Variants in PRICKLE2 observed in about 807,000 individuals in gnomAD.
The protein encoded by PRICKLE2 is prickle planar cell polarity protein 2, also known as prickle-like protein 2.
Under a neutral mutation model 81.4 loss-of-function variants are expected in PRICKLE2, and 21 were observed. That is an observed-to-expected ratio of 0.26 (90% CI 0.18 to 0.37). PRICKLE2 has a LOEUF of 0.37. Among genes scored for constraint, PRICKLE2 ranks in the 10% least tolerant of loss-of-function variants. The pLI is 1.00. For missense variants in PRICKLE2, 940 were observed against 1,109.0 expected, an observed-to-expected ratio of 0.85 and a Z score of 2.16; for synonymous variants, 456 against 421.5, an observed-to-expected ratio of 1.08 and a Z score of -1.00.
rs1049111863 is a variant in PRICKLE2, at chr3:64,097,053, T to C, written c.*1998A>G. ...TGCCAAGCAGTTTACAAACTTACTA[T>C]ACAAACGTAATAGAGTTAATTCTCC... is the stretch of plus-strand genomic sequence containing the variant. On this transcript the variant is annotated 3_prime_UTR_variant, in exon 8 of 8. Coordinates refer to ENST00000638394, the MANE Select transcript of PRICKLE2 (RefSeq NM_198859.4). 1.3e-5 allele frequency: 2 copies of C among 152,710 alleles called. No homozygotes were observed. Among genetic ancestry groups the C allele is most frequent in the East Asian group, 1.9e-4 (1 of 5,180 alleles). The allele number at this position is 152,710 out of a possible 1,614,324, so 9.5% of individuals were successfully genotyped here.
At chr3:64,259,714 T>A (rs934707200) in intron 2 of PRICKLE2, among the ~76,000 whole-genome samples, 1 of 152,074 alleles carries the variant, frequency 6.6e-6, no homozygotes, top group African/African-American at 2.4e-5. Context: ...AGAGGGAAAT[T>A]TGACACATGC....
chr3:64,259,682 C>T (rs1051023179), intron 2 of PRICKLE2, among the ~76,000 whole-genome samples: 4 of 152,224 alleles, frequency 2.6e-5, no homozygotes, highest in African/African-American at 9.6e-5. Context: ...CTAGATGTCA[C>T]CTCAAGTATC....
chr3:64,149,308 C>G (rs534188562), intron 6 of PRICKLE2, among the ~76,000 whole-genome samples: 1 of 152,224 alleles, frequency 6.6e-6, no homozygotes, highest in African/African-American at 2.4e-5. Context: ...AAAATCTGCT[C>G]TCCTGGCACC....
chr3:64,139,256 TC>T (rs776019937), intron 7 of PRICKLE2, among the ~76,000 whole-genome samples: 2 of 152,232 alleles, frequency 1.3e-5, no homozygotes, highest in Non-Finnish European at 2.9e-5. Context: ...AGATTCCTGC[TC>T]CGTGTCTCCA....
intron 2 of PRICKLE2, among the ~76,000 whole-genome samples, chr3:64,260,264 G>A (rs2107188993): frequency 2.6e-5 from 4 of 152,306 alleles, no homozygotes; most frequent in Middle Eastern, 6.8e-3. Context: ...CGGGACCCAA[G>A]AGGGAACAAA....
Position 64,198,771 on chromosome 3 carries a change from T to C in PRICKLE2, c.144+13A>G, listed in dbSNP as rs1405097331. ...CACCCAAACCACCAGCATGCTCCCATCCAGAATGGTACCTGTTCAGGCTTC... is the reference window on the plus strand; with the variant it reads ...CACCCAAACCACCAGCATGCTCCCACCCAGAATGGTACCTGTTCAGGCTTC... On this transcript the variant is annotated intron_variant, in intron 2 of 7. Transcript: ENST00000638394. 1.2e-5 allele frequency: 20 copies of C among 1,613,672 alleles called. No homozygotes were observed. The highest frequency in any genetic ancestry group is 1.7e-5 in the Non-Finnish European group (20 of 1,179,822).
chr3:64,230,729 C>A (rs2079090172), intron 2 of PRICKLE2, among the ~76,000 whole-genome samples: 2 of 152,184 alleles, frequency 1.3e-5, no homozygotes, highest in Admixed American at 1.3e-4. Flanking sequence ...AGCTACCTCA[C>A]CTCTAAGCCT....
intron 1 of PRICKLE2, among the ~76,000 whole-genome samples, chr3:64,221,937 T>A (rs2078962419): frequency 6.6e-6 from 1 of 152,236 alleles, no homozygotes; most frequent in African/African-American, 2.4e-5. Context: ...GTTTGTCATC[T>A]GCTATGTCAT....
intron 2 of PRICKLE2, among the ~76,000 whole-genome samples, chr3:64,165,009 T>C (rs1050708322): frequency 4.6e-5 from 7 of 152,222 alleles, no homozygotes; most frequent in African/African-American, 1.7e-4. Flanking sequence ...AGACTGCTTG[T>C]AGAAAGGCCT....
At chr3:64,143,604 C>A (rs1441402401) in intron 7 of PRICKLE2, among the ~76,000 whole-genome samples, 1 of 152,188 alleles carries the variant, frequency 6.6e-6, no homozygotes, top group Non-Finnish European at 1.5e-5. Context: ...CAAACCCAGG[C>A]ACATCTCCCC....
intron 2 of PRICKLE2, among the ~76,000 whole-genome samples, chr3:64,165,491 T>C (rs1017341425): frequency 7.2e-5 from 11 of 152,280 alleles, no homozygotes; most frequent in African/African-American, 2.6e-4. Flanking sequence ...AGTTATACTA[T>C]CAAGCCTGGC....
intron 2 of PRICKLE2, among the ~76,000 whole-genome samples, chr3:64,236,444 T>A (rs969534078): frequency 1.3e-5 from 2 of 152,136 alleles, no homozygotes; most frequent in Non-Finnish European, 2.9e-5. Flanking sequence ...TAACCCAAGC[T>A]AATCACAGCC....
chr3:64,259,246 A>C (rs560664978), intron 2 of PRICKLE2, among the ~76,000 whole-genome samples: 1 of 152,326 alleles, frequency 6.6e-6, no homozygotes, highest in South Asian at 2.1e-4. Context: ...GCAGTAGTAA[A>C]AATATATAAC....
At chr3:64,179,139 C>T (rs771351653) in intron 2 of PRICKLE2, among the ~76,000 whole-genome samples, 3 of 151,814 alleles carry the variant, frequency 2.0e-5, no homozygotes, top group Non-Finnish European at 2.9e-5. Context: ...TGCAATGGCA[C>T]GATCTCGGCT....
intron 2 of PRICKLE2, among the ~76,000 whole-genome samples, chr3:64,257,692 G>A (rs2107186133): frequency 6.6e-6 from 1 of 152,294 alleles, no homozygotes; most frequent in East Asian, 1.9e-4. Flanking sequence ...GAGAATGTAG[G>A]CATGGCCAAT....
Position 64,237,722 on chromosome 3 carries a change from G to A in PRICKLE2, c.129-38755C>T, listed in dbSNP as rs1387828672. Among the ~76,000 whole-genome samples, 4 of 151,852 alleles carry A rather than the reference G, an allele frequency of 2.6e-5. No individual in the cohort carries two copies. The South Asian group carries it at 8.3e-4, about 32-fold the overall frequency. ...AGGCTTGAGGGTAGGGCTTCACCGG[G>A]GGGCCCCACCCTTTTCTGCCTAGTA... On this transcript the variant is annotated intron_variant, in intron 2 of 8. Coordinates refer to the PRICKLE2 transcript ENST00000295902.
intron 1 of PRICKLE2, among the ~76,000 whole-genome samples, chr3:64,209,385 C>CCCAT (rs200044488): frequency 0.018 from 2,625 of 146,552 alleles, 57 homozygotes; most frequent in African/African-American, 0.06. Context: ...TCCATATCTA[C>CCCAT]CCATCCATCC....
chr3:64,242,603 CACT>C (rs1199864688), intron 2 of PRICKLE2, among the ~76,000 whole-genome samples: 29 of 152,366 alleles, frequency 1.9e-4, no homozygotes, highest in Middle Eastern at 3.4e-3. Context: ...CCTGAGAGTC[CACT>C]TCAGTGGACG....
At chr3:64,145,179 A>G (rs1162507248) in intron 7 of PRICKLE2, among the ~76,000 whole-genome samples, 3 of 145,410 alleles carry the variant, frequency 2.1e-5, no homozygotes, top group African/African-American at 7.6e-5. Context: ...TGCTTAGTTC[A>G]GCCTCAACTT....
Sources: gnomAD v4.1 joint callset for allele counts (sites outside exome capture counted in the v4.1 genomes callset) on GRCh38, gnomAD v4.1.1 for gene constraint, MANE v1.5 for transcripts, NCBI Gene and HGNC (gene_info 2026-07-23, HGNC 2026-07-21) for gene names.